Variants in TRDN observed in about 807,000 individuals in gnomAD.
TRDN encodes the protein triadin.
A neutral mutation model predicts 149.7 loss-of-function variants in TRDN; 161 were observed. That is an observed-to-expected ratio of 1.08 (90% CI 0.95 to 1.23). The LOEUF (loss-of-function observed/expected upper bound fraction) is 1.23, where lower values mean the gene tolerates loss of function less well. Among genes scored for constraint, TRDN ranks in the 50% most tolerant of loss-of-function variants. The probability of loss-of-function intolerance (pLI) is 0.00; values close to 1 mark genes in which losing one functional copy is unlikely to be tolerated. For synonymous variants in TRDN, 294 were observed against 250.5 expected (o/e 1.17, Z -1.64); for missense variants, 896 against 823.5 (o/e 1.09, Z -1.08).
rs574855232 is a variant in TRDN at position 123,454,117 on chromosome 6, T to C, written c.931+10789A>G. Among the ~76,000 whole-genome samples the C allele has an allele frequency of 2.0e-5, 3 of 151,782 alleles. No individual in the cohort carries two copies. The East Asian group carries it at 5.9e-4, about 30-fold the overall frequency. ...GACATAAGAATGATACAATGAACTT[T>C]GCGGACTTGGGGGAAGAGTGGGAGG... On this transcript the variant is annotated intron_variant, in intron 10 of 40. Coordinates refer to ENST00000334268, the MANE Select transcript of TRDN (RefSeq NM_006073.4).
At chr6:123,533,458 A>C (rs1282964319) in intron 4 of TRDN, among the ~76,000 whole-genome samples, 2 of 152,104 alleles carry the variant, frequency 1.3e-5, no homozygotes, top group Non-Finnish European at 2.9e-5. Context: ...TTTTGCAGAA[A>C]AGACTGGACA....
intron 21 of TRDN, chr6:123,351,885 T>G: frequency 2.0e-6 from 2 of 984,980 alleles, no homozygotes; most frequent in Non-Finnish European, 2.4e-6. Context: ...AGAAGCCACA[T>G]CACTTTAAAT....
chr6:123,408,768 G>A (rs2114506584), intron 12 of TRDN, among the ~76,000 whole-genome samples: 1 of 151,858 alleles, frequency 6.6e-6, no homozygotes, highest in South Asian at 2.1e-4. Flanking sequence ...CGAATTCCTT[G>A]TTTAAATTTA....
At chr6:123,263,052 G>A (rs574665577) in intron 33 of TRDN, among the ~76,000 whole-genome samples, 1 of 152,172 alleles carries the variant, frequency 6.6e-6, no homozygotes, top group South Asian at 2.1e-4. Flanking sequence ...TAGTGAGAAA[G>A]GCATGTTGAA....
At chr6:123,440,784 T>C (rs1774832834) in intron 10 of TRDN, among the ~76,000 whole-genome samples, 1 of 152,210 alleles carries the variant, frequency 6.6e-6, no homozygotes, top group Non-Finnish European at 1.5e-5. Context: ...ACCCAGAATA[T>C]GGAAGGCATT....
rs1775017373 is a variant in TRDN, at chr6:123,218,242, TA to T, written c.*358del. ...GTCTATGTTGTCATTAAAAAAATAA[TA>T]GCTAACTGAAGCCAGGAATTCATTT... On this transcript the variant is annotated 3_prime_UTR_variant, in exon 41 of 41. Coordinates refer to ENST00000334268, the MANE Select transcript of TRDN (RefSeq NM_006073.4). 1 of 161,196 alleles carries T rather than the reference TA, an allele frequency of 6.2e-6. No individual in the cohort carries two copies. The highest frequency in any genetic ancestry group is 1.3e-5 in the Non-Finnish European group (1 of 74,336). The allele number at this position is 161,196 out of a possible 1,614,324, so 10.0% of individuals were successfully genotyped here.
In TRDN at chr6:123,393,616, T is replaced by C. The variant is rs2114461365; in HGVS notation, c.1105+8A>G. On this transcript the variant is annotated splice_region_variant and intron_variant, in intron 13 of 40. Coordinates refer to ENST00000334268, the MANE Select transcript of TRDN (RefSeq NM_006073.4). ...AGGCAATGCTTTTTAAAGTGTTTTA[T>C]TGCTTACCTTGTGCTGCAATTTTTA... 2 of 1,598,672 alleles carry C rather than the reference T, an allele frequency of 1.3e-6. No individual in the cohort carries two copies. Among genetic ancestry groups the C allele is most frequent in the South Asian group, 2.3e-5 (2 of 88,552 alleles).
At chr6:123,240,855 T>C (rs1360660862) in intron 38 of TRDN, among the ~76,000 whole-genome samples, 1 of 151,954 alleles carries the variant, frequency 6.6e-6, no homozygotes, top group Non-Finnish European at 1.5e-5. Flanking sequence ...ATTATTTTTA[T>C]CAACAACTTA....
chr6:123,423,682 A>T (rs1036505395), intron 12 of TRDN, among the ~76,000 whole-genome samples: 1 of 152,164 alleles, frequency 6.6e-6, no homozygotes, highest in African/African-American at 2.4e-5. Context: ...AGGTCAGGGG[A>T]ATAGTACTTT....
At chr6:123,477,231 C>T (rs1296223116) in intron 9 of TRDN, among the ~76,000 whole-genome samples, 10 of 126,808 alleles carry the variant, frequency 7.9e-5, no homozygotes, top group Non-Finnish European at 1.5e-4. Context: ...CAAACAACCC[C>T]ATCAAAAAGT....
chr6:123,376,410 C>T (rs1022398561), intron 18 of TRDN, among the ~76,000 whole-genome samples: 1 of 152,098 alleles, frequency 6.6e-6, no homozygotes, highest in Admixed American at 6.6e-5. Flanking sequence ...TTAAAGTCTT[C>T]TGTTTTTAAA....
intron 2 of TRDN, among the ~76,000 whole-genome samples, chr6:123,566,173 T>C (rs1782286281): frequency 6.6e-6 from 1 of 152,220 alleles, no homozygotes; most frequent in African/African-American, 2.4e-5. Context: ...AGGTGAAATA[T>C]CTTTTCCAGT....
intron 22 of TRDN, among the ~76,000 whole-genome samples, chr6:123,336,148 C>A (rs975969854): frequency 6.6e-6 from 1 of 151,866 alleles, no homozygotes; most frequent in African/African-American, 2.4e-5. Flanking sequence ...AAGGTCTACA[C>A]TCAAAGCAAA....
At chr6:123,252,480 G>T (rs763012811) in intron 37 of TRDN, 45 bp from the exon 38 acceptor site, 3 of 1,087,184 alleles carry the variant, frequency 2.8e-6, no homozygotes, top group South Asian at 1.7e-5. Context: ...GAGATAAAAT[G>T]CAAGGAAATT....
rs538051262 is a variant in TRDN, at chr6:123,464,567, C to T, written c.931+339G>A. 1.6e-4 allele frequency: 163 copies of T among 1,023,950 alleles called. No individual in the cohort carries two copies. In the African/African-American group the frequency reaches 2.7e-3, roughly 17 times the overall value. The allele number at this position is 1,023,950 out of a possible 1,614,324, so 63.4% of individuals were successfully genotyped here. ...AACCCAGCAAATCTGGCACCAGCCT[C>T]TTCAGAGACTAAATTGATCAAGTTG... On this transcript the variant is annotated intron_variant, in intron 10 of 40. Transcript: ENST00000334268.
chr6:123,370,443 G>C (rs1781282063), intron 19 of TRDN, among the ~76,000 whole-genome samples: 1 of 152,180 alleles, frequency 6.6e-6, no homozygotes, highest in Non-Finnish European at 1.5e-5. Flanking sequence ...TTTAACTGCT[G>C]TCTAGCATTC....
chr6:123,474,141 C>T (rs1777336995), intron 9 of TRDN, among the ~76,000 whole-genome samples: 1 of 148,394 alleles, frequency 6.7e-6, no homozygotes, highest in African/African-American at 2.5e-5. Context: ...TTAAAAGACA[C>T]AGACTGGCAA....
intron 12 of TRDN, among the ~76,000 whole-genome samples, chr6:123,432,197 C>T (rs1030348713): frequency 6.6e-6 from 1 of 152,114 alleles, no homozygotes; most frequent in African/African-American, 2.4e-5. Context: ...ATACATTTCA[C>T]AAACTTTCCT....
chr6:123,268,820 A>G (rs1216023117), intron 31 of TRDN, among the ~76,000 whole-genome samples: 1 of 152,046 alleles, frequency 6.6e-6, no homozygotes, highest in Non-Finnish European at 1.5e-5. Context: ...AAATGCAGCC[A>G]ATATTCAAGG....
Sources: allele counts gnomAD v4.1 joint callset (sites outside exome capture counted in the v4.1 genomes callset), GRCh38; gene constraint gnomAD v4.1.1; transcripts MANE v1.5; gene names NCBI Gene and HGNC (gene_info 2026-07-23, HGNC 2026-07-21).